Variants in IL34 observed in about 807,000 individuals in gnomAD.
IL34 encodes the protein interleukin-34.
Under a neutral mutation model 25.3 loss-of-function variants are expected in IL34, and 17 were observed. The observed-to-expected ratio is 0.67, with a 90% CI of 0.46 to 1.01. The LOEUF (loss-of-function observed/expected upper bound fraction) is 1.01. Among genes scored for constraint, IL34 ranks in the 50% least tolerant of loss-of-function variants. The probability of loss-of-function intolerance (pLI) is 0.00; values close to 1 mark genes in which losing one functional copy is unlikely to be tolerated. For missense variants in IL34, 368 were observed against 312.9 expected, an observed-to-expected ratio of 1.18 and a Z score of -1.33; for synonymous variants, 174 against 140.9, an observed-to-expected ratio of 1.23 and a Z score of -1.66.
At chr16:70,588,831 A>G (rs1378526316) in intron 1 of IL34, among the ~76,000 whole-genome samples, 3 of 152,216 alleles carry the variant, frequency 2.0e-5, no homozygotes, top group Non-Finnish European at 2.9e-5. Flanking sequence ...CTACTTATGT[A>G]ACGGAGCCAG....
chr16:70,642,932 G>A (rs2051820518), upstream of IL34, among the ~76,000 whole-genome samples: 2 of 152,162 alleles, frequency 1.3e-5, no homozygotes, highest in South Asian at 2.1e-4. Context: ...AGGGAATAGG[G>A]GGTGACTGCT....
intron 1 of IL34, among the ~76,000 whole-genome samples, chr16:70,626,485 C>A (rs924833520): frequency 6.6e-6 from 1 of 152,216 alleles, no homozygotes; most frequent in Admixed American, 6.5e-5. Context: ...CAACCTCTGC[C>A]TCCCAGGTTC....
At chr16:70,604,452 C>G (rs1260431658) in intron 1 of IL34, among the ~76,000 whole-genome samples, 1 of 152,178 alleles carries the variant, frequency 6.6e-6, no homozygotes, top group Non-Finnish European at 1.5e-5. Flanking sequence ...CTCTCTAGGT[C>G]CCAAGTCAGG....
At chr16:70,610,611 C>T (rs900789193) in intron 1 of IL34, among the ~76,000 whole-genome samples, 2 of 152,160 alleles carry the variant, frequency 1.3e-5, no homozygotes, top group African/African-American at 4.8e-5. Context: ...TGTCGAGTGG[C>T]CAGTGCTGTG....
intron 1 of IL34, among the ~76,000 whole-genome samples, chr16:70,602,584 TGTGTGTG>T (rs962343501): frequency 1.1e-4 from 3 of 27,402 alleles, no homozygotes; most frequent in Non-Finnish European, 1.5e-4. Flanking sequence ...TTGGAATTGA[TGTGTGTG>T]TGTGTGTGTG....
chr16:70,599,714 G>A (rs921851649), intron 1 of IL34, among the ~76,000 whole-genome samples: 15 of 145,922 alleles, frequency 1.0e-4, no homozygotes, highest in Admixed American at 2.1e-4. Context: ...TTGCTTTGTC[G>A]CCCAGGATAG....
At chr16:70,647,641 A>T (rs2051973248) in intron 1 of IL34, among the ~76,000 whole-genome samples, 1 of 152,138 alleles carries the variant, frequency 6.6e-6, no homozygotes, top group Non-Finnish European at 1.5e-5. Flanking sequence ...CCACGTGCCC[A>T]CTGCAGAGTC....
At chr16:70,580,527 C>G (rs1217756084) in intron 1 of IL34, among the ~76,000 whole-genome samples, 1 of 152,246 alleles carries the variant, frequency 6.6e-6, no homozygotes, top group African/African-American at 2.4e-5. Context: ...CGCCTGTAAT[C>G]TGTAATCCCA....
At chr16:70,612,905 C>T (rs936237205) in intron 1 of IL34, among the ~76,000 whole-genome samples, 2 of 152,206 alleles carry the variant, frequency 1.3e-5, no homozygotes, top group Non-Finnish European at 2.9e-5. Flanking sequence ...CCTGCCTCAG[C>T]CTCCCAAGTA....
chr16:70,646,863 G>A lies in IL34; in HGVS notation c.-85G>A, dbSNP rs1440002733. 14 of 1,329,292 alleles carry A rather than the reference G, an allele frequency of 1.1e-5. No individual in the cohort carries two copies. The highest frequency in any genetic ancestry group is 6.0e-5 in the East Asian group (2 of 33,216). The allele number at this position is 1,329,292 out of a possible 1,614,324, so 82.3% of individuals were successfully genotyped here. ...ACTGAGTGACCACCTCTGCTGCCCC[G>A]AGGCCATGTAGGCCGTGCTTAGGCC... On this transcript the variant is annotated 5_prime_UTR_variant, in exon 1 of 6. Transcript: ENST00000288098.
chr16:70,625,476 C>T (rs1052181755), intron 1 of IL34, among the ~76,000 whole-genome samples: 1 of 151,980 alleles, frequency 6.6e-6, no homozygotes, highest in African/African-American at 2.4e-5. Context: ...GGGTACTTGC[C>T]CCTTCCCCAG....
chr16:70,642,999 TG>T (rs1211301662), upstream of IL34, among the ~76,000 whole-genome samples: 3 of 152,176 alleles, frequency 2.0e-5, no homozygotes, highest in Non-Finnish European at 4.4e-5. Flanking sequence ...TAAATAATGG[TG>T]ACTGTTGCAC....
intron 1 of IL34, among the ~76,000 whole-genome samples, chr16:70,634,240 A>C (rs1326049838): frequency 1.3e-5 from 2 of 152,138 alleles, no homozygotes; most frequent in South Asian, 2.1e-4. Flanking sequence ...GATGTATGCA[A>C]ATACTCTGTT....
At position 70,608,122 on chromosome 16, in the gene IL34, TTTTC is replaced by T. The variant is rs1319413380; in HGVS notation, c.-401+28077_-401+28080del. 3.3e-4 allele frequency among the ~76,000 whole-genome samples: 43 copies of T among 131,436 alleles called. 1 individual carries two copies. The highest frequency in any genetic ancestry group is 3.3e-4 in the Non-Finnish European group (21 of 63,214). 86.2% of individuals were successfully genotyped at this position (131,436 alleles called of 152,430 possible). A position where few individuals can be genotyped will look rare whatever the true frequency, so the allele number is the denominator to read the frequency against. Reference sequence around the variant, plus strand: ...GTGAATTATGATGATTGATTTTCTTTTTTCTTTTTTTTTTTTTTTTTTTTGAGAT... The same window carrying T: ...GTGAATTATGATGATTGATTTTCTTTTTTTTTTTTTTTTTTTTTTTGAGAT... On this transcript the variant is annotated intron_variant, in intron 1 of 6. Coordinates refer to the IL34 transcript ENST00000429149.
chr16:70,656,250 C>G (rs1027554467), intron 2 of IL34, among the ~76,000 whole-genome samples: 3 of 152,160 alleles, frequency 2.0e-5, no homozygotes, highest in African/African-American at 7.2e-5. Flanking sequence ...CAAAATTCAT[C>G]TGGAGGCCGG....
At chr16:70,580,296 G>C in intron 1 of IL34, among the ~76,000 whole-genome samples, 1 of 152,164 alleles carries the variant, frequency 6.6e-6, no homozygotes, top group Non-Finnish European at 1.5e-5. Flanking sequence ...GGAAAAAGCC[G>C]ATCCACATAA....
intron 1 of IL34, among the ~76,000 whole-genome samples, chr16:70,650,601 T>C (rs1049621676): frequency 6.6e-6 from 1 of 152,182 alleles, no homozygotes; most frequent in Non-Finnish European, 1.5e-5. Flanking sequence ...TACTGATTTT[T>C]TTAAAGAAAA....
chr16:70,587,739 A>G (rs559357828), intron 1 of IL34, among the ~76,000 whole-genome samples: 13 of 152,166 alleles, frequency 8.5e-5, no homozygotes, highest in Admixed American at 1.3e-4. Context: ...ATCAAAAAAA[A>G]AAAGAAAGAA....
chr16:70,649,087 T>C (rs1337684538), intron 1 of IL34, among the ~76,000 whole-genome samples: 2 of 152,104 alleles, frequency 1.3e-5, no homozygotes, highest in Non-Finnish European at 2.9e-5. Flanking sequence ...TGCCTGTAAG[T>C]GGCACAGGAC....
Sources: allele counts gnomAD v4.1 joint callset (sites outside exome capture counted in the v4.1 genomes callset), GRCh38; gene constraint gnomAD v4.1.1; transcripts MANE v1.5; gene names NCBI Gene and HGNC (gene_info 2026-07-23, HGNC 2026-07-21).